ZFHX3: variants seen among roughly 807,000 people sequenced by gnomAD.
ZFHX3 encodes the protein zinc finger homeobox 3, also known as zinc finger homeobox protein 3.
ZFHX3 carries 42 observed loss-of-function variants against 279.1 expected under a neutral mutation model. The observed-to-expected ratio is 0.15, with a 90% CI of 0.12 to 0.19. The LOEUF (loss-of-function observed/expected upper bound fraction) is 0.19, where lower values mean the gene tolerates loss of function less well. Among genes scored for constraint, ZFHX3 ranks in the 10% least tolerant of loss-of-function variants. ZFHX3 has a pLI of 1.00. For synonymous variants in ZFHX3, 2,293 were observed against 1,957.8 expected, an observed-to-expected ratio of 1.17 and a Z score of -4.52; for missense variants, 4,981 against 4,754.0, an observed-to-expected ratio of 1.05 and a Z score of -1.40.
intron 1 of ZFHX3, among the ~76,000 whole-genome samples, chr16:73,722,039 T>C (rs142767826): frequency 1.7e-3 from 259 of 152,336 alleles, no homozygotes; most frequent in African/African-American, 6.1e-3. Context: ...AGAGAGATCC[T>C]GTCTCAAACA....
At chr16:72,857,905 A>G (rs2037792440) in intron 4 of ZFHX3, among the ~76,000 whole-genome samples, 1 of 152,218 alleles carries the variant, frequency 6.6e-6, no homozygotes, top group Non-Finnish European at 1.5e-5. Flanking sequence ...CATCTTTCAG[A>G]CAAAGGCAGG....
At chr16:73,049,775 GT>G (rs374414731), upstream of ZFHX3, among the ~76,000 whole-genome samples, 69 of 152,278 alleles carry the variant, frequency 4.5e-4, no homozygotes, top group South Asian at 0.014. Flanking sequence ...CCAGACTATG[GT>G]CACTGCAGAG....
intron 4 of ZFHX3, among the ~76,000 whole-genome samples, chr16:73,265,327 G>T (rs562947896): frequency 3.9e-5 from 6 of 152,214 alleles, no homozygotes; most frequent in Admixed American, 2.0e-4. Context: ...CATGCTGATG[G>T]GAGGAGCCAT....
At chr16:73,858,841 G>A (rs1008399005) in intron 1 of ZFHX3, among the ~76,000 whole-genome samples, 10 of 152,176 alleles carry the variant, frequency 6.6e-5, no homozygotes, top group Non-Finnish European at 1.0e-4. Context: ...AGTACATTAT[G>A]AGACATGTAA....
intron 5 of ZFHX3, among the ~76,000 whole-genome samples, chr16:73,248,143 G>C (rs62654025): frequency 1 from 150,768 of 151,020 alleles, 75,258 homozygotes; most frequent in East Asian, 1. Flanking sequence ...TAAAATGTGT[G>C]TGTTTGTCTA....
At chr16:73,527,520 G>A (rs541403362) in intron 2 of ZFHX3, among the ~76,000 whole-genome samples, 8 of 152,264 alleles carry the variant, frequency 5.3e-5, no homozygotes, top group African/African-American at 1.9e-4. Context: ...TGGTACTTGG[G>A]CGCTTATGTC....
chr16:73,391,216 C>T (rs1191636113), intron 3 of ZFHX3, among the ~76,000 whole-genome samples: 2 of 152,094 alleles, frequency 1.3e-5, no homozygotes, highest in African/African-American at 4.8e-5. Context: ...TGGCTCATGC[C>T]TGTAATTCCA....
intron 1 of ZFHX3, among the ~76,000 whole-genome samples, chr16:73,860,727 G>A (rs1420608215): frequency 6.6e-6 from 1 of 152,068 alleles, no homozygotes; most frequent in East Asian, 1.9e-4. Flanking sequence ...GCTAGCACTT[G>A]ATAAAAGTTC....
intron 5 of ZFHX3, among the ~76,000 whole-genome samples, chr16:72,816,425 C>T (rs1280088258): frequency 2.0e-5 from 3 of 152,172 alleles, no homozygotes; most frequent in African/African-American, 4.8e-5. Flanking sequence ...AGATGACAAA[C>T]TCTATAAAGC....
intron 1 of ZFHX3, among the ~76,000 whole-genome samples, chr16:73,833,146 C>T (rs931719966): frequency 6.6e-6 from 1 of 152,074 alleles, no homozygotes; most frequent in African/African-American, 2.4e-5. Context: ...AAGGATTGCT[C>T]GAGGCCAGGA....
rs111248287 is a variant in ZFHX3 at position 73,251,899 on chromosome 16, GCACA to G, written c.-1104+5144_-1104+5147del. On this transcript the variant is annotated intron_variant, in intron 5 of 17. Coordinates refer to the ZFHX3 transcript ENST00000641206. The stretch of plus-strand genomic sequence containing the variant: ...TGCACACACACCACACACACACCAT[GCACA>G]CACACACACCACACACACACCATGA... Among the ~76,000 whole-genome samples, 569 of 66,454 alleles carry G rather than the reference GCACA, an allele frequency of 8.6e-3. 8 individuals are homozygous for G. Among genetic ancestry groups the G allele is most frequent in the African/African-American group, 0.048 (550 of 11,576 alleles). 43.6% of individuals were successfully genotyped at this position (66,454 alleles called of 152,430 possible).
chr16:72,945,824 T>C (rs1276246934), intron 3 of ZFHX3, among the ~76,000 whole-genome samples: 1 of 152,024 alleles, frequency 6.6e-6, no homozygotes, highest in Non-Finnish European at 1.5e-5. Flanking sequence ...CCCCAAAGGA[T>C]GTATGCTTTT....
intron 1 of ZFHX3, among the ~76,000 whole-genome samples, chr16:73,756,781 A>G (rs1012871922): frequency 7.8e-6 from 1 of 128,194 alleles, no homozygotes; most frequent in Non-Finnish European, 1.6e-5. Context: ...CATTTTGCTG[A>G]GTCTCCTCAA....
chr16:73,007,789 G>A (rs1963766741), intron 1 of ZFHX3, among the ~76,000 whole-genome samples: 1 of 152,088 alleles, frequency 6.6e-6, no homozygotes, highest in South Asian at 2.1e-4. Context: ...CCCAGTTTCT[G>A]ATTTAAAGTT....
At chr16:72,980,271 T>C (rs576947159) in intron 1 of ZFHX3, among the ~76,000 whole-genome samples, 1 of 152,256 alleles carries the variant, frequency 6.6e-6, no homozygotes, top group South Asian at 2.1e-4. Context: ...GCTGGCTGGA[T>C]GGGTAGGGGC....
chr16:73,360,123 T>A (rs892725840), intron 3 of ZFHX3, among the ~76,000 whole-genome samples: 4 of 152,176 alleles, frequency 2.6e-5, no homozygotes, highest in Non-Finnish European at 5.9e-5. Flanking sequence ...GTGCCTCAGG[T>A]TCCTTACAGG....
At chr16:73,609,233 G>C (rs775997947) in intron 2 of ZFHX3, 2 of 152,106 alleles carry the variant, frequency 1.3e-5, no homozygotes, top group Non-Finnish European at 2.9e-5. Context: ...CATCATCATC[G>C]CTCCATCATT....
At chr16:73,868,041 C>T (rs1029034424) in intron 1 of ZFHX3, among the ~76,000 whole-genome samples, 2 of 152,200 alleles carry the variant, frequency 1.3e-5, no homozygotes, top group African/African-American at 4.8e-5. Flanking sequence ...TTCTCCTGCC[C>T]CTCCCTAAAC....
chr16:73,527,274 G>C (rs567322661), intron 2 of ZFHX3, among the ~76,000 whole-genome samples: 1 of 152,150 alleles, frequency 6.6e-6, no homozygotes, highest in Non-Finnish European at 1.5e-5. Flanking sequence ...GTGAAGGGTT[G>C]TTGACAGAAC....
Sources: allele counts gnomAD v4.1 joint callset (sites outside exome capture counted in the v4.1 genomes callset), GRCh38; gene constraint gnomAD v4.1.1; transcripts MANE v1.5; gene names NCBI Gene and HGNC (gene_info 2026-07-23, HGNC 2026-07-21).